CFAP206: variants seen among roughly 807,000 people sequenced by gnomAD.
CFAP206 encodes the protein cilia- and flagella-associated protein 206.
CFAP206 carries 53 observed loss-of-function variants against 65.4 expected under a neutral mutation model. The ratio of observed to expected loss-of-function variants is 0.81; its 90% CI spans 0.65 to 1.02. The LOEUF (loss-of-function observed/expected upper bound fraction) is 1.02. Among genes scored for constraint, CFAP206 ranks in the 50% least tolerant of loss-of-function variants. The probability of loss-of-function intolerance (pLI) is 0.00; values close to 1 mark genes in which losing one functional copy is unlikely to be tolerated. For synonymous variants in CFAP206, 250 were observed against 254.4 expected (o/e 0.98, Z 0.17); for missense variants, 663 against 753.2 (o/e 0.88, Z 1.40).
At chr6:87,460,766 C>A (rs1396867563) in intron 11 of CFAP206, among the ~76,000 whole-genome samples, 1 of 151,718 alleles carries the variant, frequency 6.6e-6, no homozygotes, top group Admixed American at 6.6e-5. Context: ...CACATGTGCC[C>A]CCTTGAATCT....
intron 7 of CFAP206, among the ~76,000 whole-genome samples, chr6:87,420,619 G>A (rs1325425115): frequency 2.0e-5 from 3 of 152,144 alleles, no homozygotes; most frequent in Admixed American, 2.0e-4. Context: ...TAAATAAGGC[G>A]GCATAGTGCC....
chr6:87,432,353 G>A (rs1225642839), intron 10 of CFAP206, among the ~76,000 whole-genome samples: 1 of 152,136 alleles, frequency 6.6e-6, no homozygotes, highest in Non-Finnish European at 1.5e-5. Flanking sequence ...GGCCCAGTGA[G>A]GGTCACTGAT....
chr6:87,461,704 A>C (rs989053164), intron 12 of CFAP206, among the ~76,000 whole-genome samples: 1 of 108,004 alleles, frequency 9.3e-6, no homozygotes, highest in Non-Finnish European at 1.8e-5. Context: ...AAATATTTAT[A>C]GTATGGAAAA....
chr6:87,428,145 G>A (rs191686600), intron 8 of CFAP206, among the ~76,000 whole-genome samples: 3 of 151,930 alleles, frequency 2.0e-5, no homozygotes, highest in East Asian at 3.9e-4. Context: ...CCACCACCAC[G>A]CCTGGCTAAT....
intron 9 of CFAP206, 28 bp downstream of exon 9, chr6:87,428,852 T>C: frequency 6.3e-7 from 1 of 1,590,170 alleles, no homozygotes. Flanking sequence ...TTATTTCCTC[T>C]TCTTTTTAAA....
chr6:87,423,241 T>G (rs13215723), intron 7 of CFAP206, among the ~76,000 whole-genome samples: 1 of 63,424 alleles, frequency 1.6e-5, no homozygotes. Context: ...TTTATTTTTA[T>G]TTTTTTATTT....
At chr6:87,462,158 G>A (rs1252894112) in intron 12 of CFAP206, among the ~76,000 whole-genome samples, 1 of 152,178 alleles carries the variant, frequency 6.6e-6, no homozygotes, top group African/African-American at 2.4e-5. Flanking sequence ...TCCCTGACTG[G>A]TTGATGTACA....
At position 87,446,604 on chromosome 6, in the gene CFAP206, A is replaced by G. The variant is rs1768444987; in HGVS notation, c.1494+11551A>G. On this transcript the variant is annotated intron_variant, in intron 11 of 12. Transcript: ENST00000369562. Reference sequence around the variant, plus strand: ...TGCTGTTTTGGTTACTGTAGGCTGCAGTATAGTTTGAAATTGGGTAGCATG... The same window carrying G: ...TGCTGTTTTGGTTACTGTAGGCTGCGGTATAGTTTGAAATTGGGTAGCATG... Among the ~76,000 whole-genome samples, 4 of 152,244 alleles carry G rather than the reference A, an allele frequency of 2.6e-5. No individual in the cohort carries two copies. The South Asian group carries it at 8.3e-4, about 32-fold the overall frequency.
chr6:87,417,936 C>T (rs1457916668), intron 6 of CFAP206, among the ~76,000 whole-genome samples: 3 of 151,824 alleles, frequency 2.0e-5, no homozygotes, highest in Admixed American at 6.6e-5. Context: ...GACGGGGTTT[C>T]ACCATGTTGG....
chr6:87,446,780 G>A (rs1435838769), intron 11 of CFAP206, among the ~76,000 whole-genome samples: 2 of 152,092 alleles, frequency 1.3e-5, no homozygotes, highest in Admixed American at 1.3e-4. Context: ...AAGTTACTAT[G>A]GGCAGTATGG....
rs778470830 is a variant in CFAP206, at chr6:87,431,076, T to C, written c.1203T>C (p.Leu401=). The change falls in exon 10 of 13, where the codon CTT becomes CTC. Residue 401 remains leucine, a synonymous_variant. Coordinates refer to ENST00000369562, the MANE Select transcript of CFAP206 (RefSeq NM_001031743.3). ...CAGATTTCAGAAAACTAGAATGGCT[T>C]TTCCCAGAAACAACAGCAAATTTTG... ...NVADFRKLEW[L]FPETTANFDK... is the part of the protein sequence containing the mutation. 1 of 1,614,052 alleles carries C rather than the reference T, an allele frequency of 6.2e-7. No individual in the cohort carries two copies. Among genetic ancestry groups the C allele is most frequent in the South Asian group, 1.1e-5 (1 of 91,064 alleles).
chr6:87,431,237 A>T (rs754222645), intron 10 of CFAP206, 64 bp downstream of exon 10: 1 of 1,445,190 alleles, frequency 6.9e-7, no homozygotes. Flanking sequence ...GAGTTCTGTC[A>T]TTGTCACTTG....
Position 87,433,425 on chromosome 6 carries a change from CTA to C in CFAP206, c.1301-1433_1301-1432del, listed in dbSNP as rs149240133. 3.9e-4 allele frequency among the ~76,000 whole-genome samples: 59 copies of C among 152,260 alleles called. 1 individual carries two copies. The East Asian group carries it at 0.01, about 26-fold the overall frequency. ...CTCTTTCTAATACAACTTCCACAAA[CTA>C]TGTGGATATTTAATTATCTATAGTC... On this transcript the variant is annotated intron_variant, in intron 10 of 12. Coordinates refer to ENST00000369562, the MANE Select transcript of CFAP206 (RefSeq NM_001031743.3).
intron 4 of CFAP206, among the ~76,000 whole-genome samples, chr6:87,414,175 TAA>T (rs1343606026): frequency 6.6e-6 from 1 of 152,236 alleles, no homozygotes; most frequent in Non-Finnish European, 1.5e-5. Context: ...CCATTGAAGT[TAA>T]AAGTTTTTAA....
chr6:87,418,118 A>T, intron 6 of CFAP206, 90 bp from the exon 7 acceptor site: 1 of 1,140,376 alleles, frequency 8.8e-7, no homozygotes, highest in Non-Finnish European at 1.3e-6. Context: ...ACCCTAACTT[A>T]ATGTTTAAAA....
chr6:87,438,588 T>C (rs961995381), intron 11 of CFAP206, among the ~76,000 whole-genome samples: 4 of 152,204 alleles, frequency 2.6e-5, no homozygotes, highest in African/African-American at 9.7e-5. Context: ...TTGTGTTTTT[T>C]GGAGAGTCTT....
intron 11 of CFAP206, among the ~76,000 whole-genome samples, chr6:87,449,853 CT>C (rs1258238144): frequency 6.6e-6 from 1 of 152,132 alleles, no homozygotes; most frequent in East Asian, 1.9e-4. Context: ...TCTATTTTTG[CT>C]TTTGTTGCCT....
In CFAP206 at chr6:87,422,203, C is replaced by A. The variant is rs187688234; in HGVS notation, c.840+3787C>A. On this transcript the variant is annotated intron_variant, in intron 7 of 12. Transcript: ENST00000369562. The stretch of plus-strand genomic sequence containing the variant: ...GTGGCTCACACCTGTAATCCCAGCA[C>A]TTTGGGAGGCCGAGGCAGGCGGATC... Among the ~76,000 whole-genome samples the A allele has an allele frequency of 2.4e-3, 371 of 152,120 alleles. 2 individuals carry two copies. The highest frequency in any genetic ancestry group is 3.6e-3 in the Non-Finnish European group (242 of 67,970).
chr6:87,458,401 A>T (rs959665942), intron 11 of CFAP206, among the ~76,000 whole-genome samples: 8 of 152,204 alleles, frequency 5.3e-5, no homozygotes, highest in Non-Finnish European at 1.2e-4. Context: ...ACAGTAGCCA[A>T]GATTTGGAAG....
Sources: gnomAD v4.1 joint callset for allele counts (sites outside exome capture counted in the v4.1 genomes callset) on GRCh38, gnomAD v4.1.1 for gene constraint, MANE v1.5 for transcripts, NCBI Gene and HGNC (gene_info 2026-07-23, HGNC 2026-07-21) for gene names.